Variants in CLVS1 observed in about 807,000 individuals in gnomAD.
The protein encoded by CLVS1 is clavesin-1.
Under a neutral mutation model 33.1 loss-of-function variants are expected in CLVS1, and 10 were observed. The observed-to-expected ratio is 0.30, with a 90% CI of 0.19 to 0.51. The LOEUF (loss-of-function observed/expected upper bound fraction) is 0.51. Ranked by LOEUF, CLVS1 falls within the 20% of genes least tolerant of loss-of-function variation. CLVS1 has a pLI of 0.97. For missense variants in CLVS1, 343 were observed against 433.4 expected (o/e 0.79, Z 1.85); for synonymous variants, 163 against 166.1 (o/e 0.98, Z 0.14).
chr8:61,112,767 C>T (rs181766280), intron 1 of CLVS1, among the ~76,000 whole-genome samples: 1 of 151,880 alleles, frequency 6.6e-6, no homozygotes, highest in Non-Finnish European at 1.5e-5. Flanking sequence ...CTTGTGCCAC[C>T]AGCAGATGAC....
At chr8:61,406,855 CA>C (rs955052743) in intron 3 of CLVS1, among the ~76,000 whole-genome samples, 1 of 152,196 alleles carries the variant, frequency 6.6e-6, no homozygotes, top group Non-Finnish European at 1.5e-5. Flanking sequence ...GCAATCCACC[CA>C]CCTCAACCTC....
chr8:61,077,782 G>C (rs1804949226), intron 1 of CLVS1, among the ~76,000 whole-genome samples: 1 of 152,224 alleles, frequency 6.6e-6, no homozygotes. Flanking sequence ...CTCCCTCCCA[G>C]CACTGGGAGG....
At chr8:61,496,344 G>C (rs1406787768) in intron 5 of CLVS1, among the ~76,000 whole-genome samples, 1 of 152,200 alleles carries the variant, frequency 6.6e-6, no homozygotes, top group African/African-American at 2.4e-5. Context: ...TGTCCAAGGT[G>C]CTGGAGGGAG....
At chr8:61,276,062 T>C (rs1809556447) in intron 2 of CLVS1, among the ~76,000 whole-genome samples, 1 of 152,240 alleles carries the variant, frequency 6.6e-6, no homozygotes, top group African/African-American at 2.4e-5. Context: ...CTGGATTTCT[T>C]GCACTTTCTG....
At chr8:61,373,500 T>C (rs1405951416) in intron 2 of CLVS1, among the ~76,000 whole-genome samples, 1 of 152,204 alleles carries the variant, frequency 6.6e-6, no homozygotes, top group Non-Finnish European at 1.5e-5. Flanking sequence ...GTATTTTCTC[T>C]TGGAGTGGGT....
chr8:61,407,698 A>T (rs948217026), intron 3 of CLVS1, among the ~76,000 whole-genome samples: 2 of 152,248 alleles, frequency 1.3e-5, no homozygotes, highest in African/African-American at 4.8e-5. Flanking sequence ...TTTAAGTTAA[A>T]TATGCCTTAT....
At chr8:61,276,198 G>A (rs1238475302) in intron 2 of CLVS1, among the ~76,000 whole-genome samples, 2 of 152,156 alleles carry the variant, frequency 1.3e-5, no homozygotes, top group Non-Finnish European at 2.9e-5. Flanking sequence ...TTGGTAATTA[G>A]AAAACACTCT....
the CLVS1 span, among the ~76,000 whole-genome samples, chr8:61,051,850 G>A: frequency 6.6e-6 from 1 of 152,222 alleles, no homozygotes; most frequent in South Asian, 2.1e-4. Flanking sequence ...CCCCACTGCT[G>A]GGCCCTGCCC....
At chr8:61,358,327 T>A (rs539198518) in intron 2 of CLVS1, among the ~76,000 whole-genome samples, 2 of 152,336 alleles carry the variant, frequency 1.3e-5, no homozygotes, top group East Asian at 3.9e-4. Context: ...TATTGTACAC[T>A]GTGTGCAAAC....
At chr8:61,161,957 A>C (rs1806760083) in intron 2 of CLVS1, among the ~76,000 whole-genome samples, 1 of 151,764 alleles carries the variant, frequency 6.6e-6, no homozygotes, top group Non-Finnish European at 1.5e-5. Context: ...AAAAACTGCA[A>C]GGAAATATAA....
chr8:61,230,106 G>A (rs1808402458), intron 2 of CLVS1, among the ~76,000 whole-genome samples: 1 of 152,182 alleles, frequency 6.6e-6, no homozygotes, highest in South Asian at 2.1e-4. Flanking sequence ...AGGAGTGTTA[G>A]ACTAAAAGGG....
chr8:61,382,482 G>C (rs1163362054), intron 3 of CLVS1, among the ~76,000 whole-genome samples: 1 of 152,136 alleles, frequency 6.6e-6, no homozygotes, highest in East Asian at 1.9e-4. Context: ...CTGAGAGCTG[G>C]TTAGAAATGC....
intron 2 of CLVS1, among the ~76,000 whole-genome samples, chr8:61,246,167 C>CATTTTTT (rs1808803334): frequency 1.2e-5 from 1 of 82,210 alleles, no homozygotes; most frequent in African/African-American, 4.6e-5. Context: ...TCCTTCCCAA[C>CATTTTTT]TTTTTTTTTT....
At chr8:61,168,761 G>A (rs1336350184) in intron 2 of CLVS1, among the ~76,000 whole-genome samples, 1 of 152,172 alleles carries the variant, frequency 6.6e-6, no homozygotes, top group Non-Finnish European at 1.5e-5. Context: ...AAATCATTGT[G>A]ATGGCTTGTA....
intron 1 of CLVS1, among the ~76,000 whole-genome samples, chr8:61,298,148 A>G (rs1313198106): frequency 2.0e-5 from 3 of 151,970 alleles, no homozygotes; most frequent in Non-Finnish European, 2.9e-5. Context: ...TGGAGAAGGA[A>G]GACATTGGGT....
chr8:61,484,071 T>C (rs1359138839), intron 5 of CLVS1, among the ~76,000 whole-genome samples: 1 of 152,218 alleles, frequency 6.6e-6, no homozygotes, highest in Admixed American at 6.5e-5. Context: ...CTATTCAACC[T>C]ACTGTTGGAA....
intron 3 of CLVS1, among the ~76,000 whole-genome samples, chr8:61,379,369 C>T (rs548047573): frequency 6.6e-6 from 1 of 151,684 alleles, no homozygotes; most frequent in Non-Finnish European, 1.5e-5. Flanking sequence ...TGAAACCCTC[C>T]CCCCCTTTCC....
intron 2 of CLVS1, among the ~76,000 whole-genome samples, chr8:61,166,432 C>A (rs1475535192): frequency 1.3e-5 from 2 of 152,082 alleles, no homozygotes; most frequent in African/African-American, 4.8e-5. Context: ...CCGTGCCCGA[C>A]CTGAAAGCCG....
the CLVS1 span, among the ~76,000 whole-genome samples, chr8:61,004,737 C>A: frequency 1.6e-3 from 251 of 152,268 alleles, 1 homozygote; most frequent in Admixed American, 3.9e-3. Flanking sequence ...CTGGGATGCA[C>A]CCGTAACGCA....
Sources: allele counts gnomAD v4.1 joint callset (sites outside exome capture counted in the v4.1 genomes callset), GRCh38; gene constraint gnomAD v4.1.1; transcripts MANE v1.5; gene names NCBI Gene and HGNC (gene_info 2026-07-23, HGNC 2026-07-21).